Variants in KLF7 observed in about 807,000 individuals in gnomAD.
KLF7 encodes KLF transcription factor 7.
A neutral mutation model predicts 27.3 loss-of-function variants in KLF7; 2 were observed. That is an observed-to-expected ratio of 0.07 (90% confidence interval 0.03 to 0.23). KLF7 has a LOEUF of 0.23. KLF7 is among the 10% of genes least tolerant of loss of function. KLF7 has a pLI of 1.00. For synonymous variants in KLF7, 165 were observed against 162.4 expected, an observed-to-expected ratio of 1.02 and a Z score of -0.12; for missense variants, 221 against 394.1, an observed-to-expected ratio of 0.56 and a Z score of 3.72.
chr2:207,127,809 C>T (rs2106002942), intron 1 of KLF7, among the ~76,000 whole-genome samples: 1 of 152,124 alleles, frequency 6.6e-6, no homozygotes, highest in Admixed American at 6.5e-5. Context: ...CACCACTGCA[C>T]TCCAGCCTGG....
intron 1 of KLF7, among the ~76,000 whole-genome samples, chr2:207,155,340 C>A (rs1366126973): frequency 1.3e-5 from 2 of 152,154 alleles, no homozygotes. Context: ...AAAATTTATT[C>A]CACCAATGGT....
chr2:207,148,930 C>T, intron 1 of KLF7: 6 of 828,618 alleles, frequency 7.2e-6, no homozygotes, highest in Non-Finnish European at 9.0e-6. Context: ...CACCTGATTC[C>T]CCATTCTCTA....
chr2:207,162,965 G>C (rs528932302), intron 1 of KLF7, among the ~76,000 whole-genome samples: 9 of 152,166 alleles, frequency 5.9e-5, no homozygotes, highest in Non-Finnish European at 1.3e-4. Context: ...AAACCCTGTT[G>C]AGCTGTTTTG....
chr2:207,078,400 GCC>G lies in KLF7; in HGVS notation c.*2811_*2812del. 6.6e-6 allele frequency: 1 copy of G among 152,354 alleles called. No individual in the cohort carries two copies. Among genetic ancestry groups the G allele is most frequent in the South Asian group, 2.1e-4 (1 of 4,832 alleles). 9.4% of individuals were successfully genotyped at this position (152,354 alleles called of 1,614,324 possible). A position where few individuals can be genotyped will look rare whatever the true frequency, so the allele number is the denominator to read the frequency against. ...ATGAGGACCAAAGGGCCTTTGTTCT[GCC>G]ACATTCAAATGAGACCACAGATGAA... is the stretch of plus-strand genomic sequence containing the variant. On this transcript the variant is annotated 3_prime_UTR_variant, in exon 4 of 4. Transcript: ENST00000309446.
rs1442671783 is a variant in KLF7, at chr2:207,105,682, G to A, written c.734-17101C>T. Among the ~76,000 whole-genome samples the A allele has an allele frequency of 2.6e-5, 4 of 152,256 alleles. No homozygotes were observed. The South Asian group carries it at 6.2e-4, about 24-fold the overall frequency. The stretch of plus-strand genomic sequence containing the variant: ...GCTGTTTCCTCCAATTCATTAGCAG[G>A]GGTGAGGTCCTCTCATCCCTCTGCT... On this transcript the variant is annotated intron_variant, in intron 2 of 3. Coordinates refer to ENST00000309446, the MANE Select transcript of KLF7 (RefSeq NM_003709.4).
At chr2:207,169,622 G>C (rs187202781), upstream of KLF7, among the ~76,000 whole-genome samples, 69 of 152,174 alleles carry the variant, frequency 4.5e-4, 1 homozygote, top group East Asian at 2.9e-3. Flanking sequence ...CAAATCGAAG[G>C]TTTGTGGCAA....
intron 1 of KLF7, among the ~76,000 whole-genome samples, chr2:207,142,454 A>G (rs1309022074): frequency 3.3e-5 from 5 of 152,232 alleles, no homozygotes; most frequent in Admixed American, 1.3e-4. Flanking sequence ...CTAGAGCTCA[A>G]TATCTGCCTA....
chr2:207,120,299 TTC>T (rs1328813010), intron 2 of KLF7, among the ~76,000 whole-genome samples: 1 of 152,180 alleles, frequency 6.6e-6, no homozygotes, highest in Non-Finnish European at 1.5e-5. Flanking sequence ...GCTCAGTAAA[TTC>T]TGTCTATATA....
At chr2:207,167,030 G>C (rs2078736516), upstream of KLF7, 1 of 959,046 alleles carries the variant, frequency 1.0e-6, no homozygotes, top group Admixed American at 4.3e-5. Context: ...TGATTGCAAG[G>C]GGCCTGTTGC....
upstream of KLF7, among the ~76,000 whole-genome samples, chr2:207,168,258 C>G (rs974900635): frequency 1.3e-5 from 2 of 152,114 alleles, no homozygotes; most frequent in East Asian, 1.9e-4. Context: ...TAGGACATAT[C>G]GGTTAACGTG....
At chr2:207,134,175 T>TTTTTTTTGA in intron 1 of KLF7, 1 of 1,360,620 alleles carries the variant, frequency 7.3e-7, no homozygotes. Flanking sequence ...TTTTTTTTTT[T>TTTTTTTTGA]AAAGCAAACT....
At chr2:207,165,956 A>C, upstream of KLF7, 1 of 1,028,814 alleles carries the variant, frequency 9.7e-7, no homozygotes, top group Non-Finnish European at 1.2e-6. Context: ...GTTCGCTCCT[A>C]ATGCAATCTT....
chr2:207,108,223 A>C (rs2076932362), intron 2 of KLF7, among the ~76,000 whole-genome samples: 1 of 152,242 alleles, frequency 6.6e-6, no homozygotes, highest in African/African-American at 2.4e-5. Context: ...AAAAACTTTA[A>C]CATCTAACCA....
chr2:207,155,071 G>A (rs2284929), intron 1 of KLF7, among the ~76,000 whole-genome samples: 1 of 151,902 alleles, frequency 6.6e-6, no homozygotes, highest in Non-Finnish European at 1.5e-5. Context: ...GCCCTGCTGA[G>A]GCTTGGATCC....
At chr2:207,159,139 C>T (rs556731515) in intron 1 of KLF7, among the ~76,000 whole-genome samples, 226 of 152,300 alleles carry the variant, frequency 1.5e-3, no homozygotes, top group Middle Eastern at 3.4e-3. Flanking sequence ...TGTCAATACA[C>T]CCACATTCAA....
chr2:207,131,837 C>T (rs559510987), intron 1 of KLF7, among the ~76,000 whole-genome samples: 1 of 152,152 alleles, frequency 6.6e-6, no homozygotes, highest in Non-Finnish European at 1.5e-5. Flanking sequence ...AAAAGATGTA[C>T]TATGCTTAAT....
intron 1 of KLF7, among the ~76,000 whole-genome samples, chr2:207,139,146 A>C (rs1421026372): frequency 6.6e-6 from 1 of 152,222 alleles, no homozygotes; most frequent in Non-Finnish European, 1.5e-5. Flanking sequence ...CTTCTCTAGA[A>C]AACAGGCTGA....
At chr2:207,120,964 C>G (rs1267492885) in intron 2 of KLF7, 1 of 152,210 alleles carries the variant, frequency 6.6e-6, no homozygotes, top group African/African-American at 2.4e-5. Flanking sequence ...CAAATTAATT[C>G]ATATTCTCCC....
chr2:207,149,619 A>C (rs1445444944), intron 1 of KLF7, among the ~76,000 whole-genome samples: 1 of 152,204 alleles, frequency 6.6e-6, no homozygotes, highest in South Asian at 2.1e-4. Flanking sequence ...GCAGTATGAG[A>C]GTGCAGCTTT....
Sources: gnomAD v4.1 joint callset for allele counts (sites outside exome capture counted in the v4.1 genomes callset) on GRCh38, gnomAD v4.1.1 for gene constraint, MANE v1.5 for transcripts, NCBI Gene and HGNC (gene_info 2026-07-23, HGNC 2026-07-21) for gene names.